The following IQCH variants were observed in gnomAD, a reference collection of about 807,000 sequenced individuals.
IQCH encodes the protein IQ domain-containing protein H.
Under a neutral mutation model 117.0 loss-of-function variants are expected in IQCH, and 98 were observed. The ratio of observed to expected loss-of-function variants is 0.84; its 90% CI spans 0.71 to 0.99. The LOEUF (loss-of-function observed/expected upper bound fraction) is 0.99. Ranked by LOEUF, IQCH falls within the 50% of genes least tolerant of loss-of-function variation. The pLI, the probability that IQCH is intolerant of heterozygous loss-of-function variation, is 0.00. For missense variants in IQCH, 1,102 were observed against 1,243.8 expected, an observed-to-expected ratio of 0.89 and a Z score of 1.72; for synonymous variants, 412 against 448.2, an observed-to-expected ratio of 0.92 and a Z score of 1.02.
At chr15:67,259,459 T>C (rs1965368745) in intron 1 of IQCH, among the ~76,000 whole-genome samples, 1 of 152,250 alleles carries the variant, frequency 6.6e-6, no homozygotes, top group African/African-American at 2.4e-5. Context: ...ATTGTGTGAC[T>C]AATAAGTGAT....
intron 4 of IQCH, among the ~76,000 whole-genome samples, chr15:67,320,988 C>T (rs1317522571): frequency 6.6e-6 from 1 of 152,208 alleles, no homozygotes; most frequent in African/African-American, 2.4e-5. Context: ...CAAACTTCCT[C>T]AGAACCCCTT....
At chr15:67,346,446 G>A (rs914961876) in intron 6 of IQCH, among the ~76,000 whole-genome samples, 2 of 152,132 alleles carry the variant, frequency 1.3e-5, no homozygotes, top group Non-Finnish European at 2.9e-5. Flanking sequence ...TTCCACCTCA[G>A]ATAATCAGGC....
At chr15:67,301,172 T>C (rs989257610) in intron 4 of IQCH, among the ~76,000 whole-genome samples, 4 of 152,120 alleles carry the variant, frequency 2.6e-5, no homozygotes, top group Non-Finnish European at 5.9e-5. Context: ...TTACTGTTGG[T>C]AAAAAATGAT....
intron 4 of IQCH, among the ~76,000 whole-genome samples, chr15:67,298,510 A>G (rs1377412672): frequency 6.6e-6 from 1 of 152,108 alleles, no homozygotes; most frequent in East Asian, 1.9e-4. Flanking sequence ...AACCTCCTAC[A>G]CAGTTGGTAG....
At position 67,459,023 on chromosome 15, in the gene IQCH, A is replaced by G. The variant is rs1489651053; in HGVS notation, c.2506-6104A>G. ...AGCCTCATAGATACATCTGGAGGCA[A>G]CAGAGGGAGGATTCACCCAGACTAC... On this transcript the variant is annotated intron_variant, in intron 16 of 20. Transcript: ENST00000335894. The surrounding 1 kb of genome is among the most constrained non-coding windows in gnomAD (Gnocchi z 4.2). Among the ~76,000 whole-genome samples the G allele has an allele frequency of 1.3e-5, 2 of 152,254 alleles. No individual in the cohort carries two copies. Among genetic ancestry groups the G allele is most frequent in the Non-Finnish European group, 2.9e-5 (2 of 68,040 alleles).
Position 67,359,052 on chromosome 15 carries a change from G to T in IQCH, c.715-795G>T, listed in dbSNP as rs1970027410. On this transcript the variant is annotated intron_variant, in intron 7 of 20. Coordinates refer to ENST00000335894, the MANE Select transcript of IQCH (RefSeq NM_001031715.3). The surrounding 1 kb of genome is among the most constrained non-coding windows in gnomAD (Gnocchi z 4.5). ...CGAGTGTTTGGCCTGCACCATTATT[G>T]TTTCAAATTCAGCTGTTTAACAGGC... Among the ~76,000 whole-genome samples, 1 of 152,202 alleles carries T rather than the reference G, an allele frequency of 6.6e-6. No individual in the cohort carries two copies. The highest frequency in any genetic ancestry group is 6.5e-5 in the Admixed American group (1 of 15,288).
In IQCH at chr15:67,393,321, CG is replaced by C. The variant is rs1971348908; in HGVS notation, c.1633-1969del. Among the ~76,000 whole-genome samples the C allele has an allele frequency of 6.6e-6, 1 of 152,066 alleles. No homozygotes were observed. The highest frequency in any genetic ancestry group is 1.5e-5 in the Non-Finnish European group (1 of 68,010). On this transcript the variant is annotated intron_variant, in intron 12 of 20. Transcript: ENST00000335894. The surrounding 1 kb of genome is among the most constrained non-coding windows in gnomAD (Gnocchi z 5.5). ...TCCCATACTCAGGAGTTATACTCTC[CG>C]ACAATTTGCAAACTGGTGCATCTGA...
In IQCH at chr15:67,443,156, C is replaced by G. The variant is rs1222435626; in HGVS notation, c.2505+21579C>G. 6.6e-6 allele frequency among the ~76,000 whole-genome samples: 1 copy of G among 152,098 alleles called. No individual in the cohort carries two copies. Among genetic ancestry groups the G allele is most frequent in the Non-Finnish European group, 1.5e-5 (1 of 68,024 alleles). On this transcript the variant is annotated intron_variant, in intron 16 of 20. Coordinates refer to ENST00000335894, the MANE Select transcript of IQCH (RefSeq NM_001031715.3). The surrounding 1 kb of genome is among the most constrained non-coding windows in gnomAD (Gnocchi z 5.0). ...TACAGGCGCCCGCCACAGCGCCCGG[C>G]TAATTTTTTGTATTTTTAGTAGAGA...
At chr15:67,451,064 G>A (rs2082512475) in intron 16 of IQCH, among the ~76,000 whole-genome samples, 1 of 152,166 alleles carries the variant, frequency 6.6e-6, no homozygotes, top group East Asian at 1.9e-4. Flanking sequence ...GGGATCGGTG[G>A]TGATATCCCC....
chr15:67,278,006 C>T (rs1966200489), intron 3 of IQCH, among the ~76,000 whole-genome samples: 1 of 152,108 alleles, frequency 6.6e-6, no homozygotes, highest in African/African-American at 2.4e-5. Flanking sequence ...ATTCTATACT[C>T]TATAATTAGG....
chr15:67,296,261 A>C (rs1484211556), intron 4 of IQCH, among the ~76,000 whole-genome samples: 1 of 152,194 alleles, frequency 6.6e-6, no homozygotes, highest in Non-Finnish European at 1.5e-5. Context: ...CTGAAGTTCA[A>C]GTTTGAATAA....
intron 4 of IQCH, among the ~76,000 whole-genome samples, chr15:67,328,117 A>G (rs1567099871): frequency 6.6e-6 from 1 of 151,690 alleles, no homozygotes; most frequent in East Asian, 1.9e-4. Context: ...AGTGCCTTCA[A>G]ATAGTTGGAG....
chr15:67,367,819 A>G (rs1443971351), intron 8 of IQCH, among the ~76,000 whole-genome samples: 3 of 152,284 alleles, frequency 2.0e-5, no homozygotes, highest in East Asian at 3.9e-4. Context: ...CACTTCTTAT[A>G]GTACTTATTC....
Position 67,366,425 on chromosome 15 carries a change from A to G in IQCH, c.754-5686A>G, listed in dbSNP as rs1970334998. 1.3e-5 allele frequency among the ~76,000 whole-genome samples: 2 copies of G among 152,238 alleles called. 1 individual carries two copies. Among genetic ancestry groups the G allele is most frequent in the Non-Finnish European group, 2.9e-5 (2 of 68,046 alleles). On this transcript the variant is annotated intron_variant, in intron 8 of 20. Coordinates refer to ENST00000335894, the MANE Select transcript of IQCH (RefSeq NM_001031715.3). This position sits in a 1 kb window ranked among gnomAD's most constrained non-coding sequence, Gnocchi z 4.4. ...TTGATTCTATTCTGTTTGATCTTCA[A>G]CCAGATTTTGATCCATCGTGTGTTT...
At position 67,376,212 on chromosome 15, in the gene IQCH, CT is replaced by C. The variant is rs1032229108; in HGVS notation, c.1372+2786del. 6.6e-6 allele frequency among the ~76,000 whole-genome samples: 1 copy of C among 152,098 alleles called. No individual in the cohort carries two copies. ...TATATTTTTAAGGATATAGGGTACC[CT>C]TTTTTTGTGTACCACATCCCTGGGA... On this transcript the variant is annotated intron_variant, in intron 10 of 20. Coordinates refer to ENST00000335894, the MANE Select transcript of IQCH (RefSeq NM_001031715.3). The surrounding 1 kb of genome is among the most constrained non-coding windows in gnomAD (Gnocchi z 5.0).
At chr15:67,294,077 C>T (rs1223972994) in intron 4 of IQCH, among the ~76,000 whole-genome samples, 2 of 152,116 alleles carry the variant, frequency 1.3e-5, no homozygotes, top group African/African-American at 4.8e-5. Flanking sequence ...TGCCTAATGC[C>T]TGGGCTTTGA....
rs542435033 is a variant in IQCH, at chr15:67,312,309, A to G, written c.388-24666A>G. Among the ~76,000 whole-genome samples, 16 of 152,218 alleles carry G rather than the reference A, an allele frequency of 1.1e-4. No individual in the cohort carries two copies. In the East Asian group the frequency reaches 2.7e-3, roughly 26 times the overall value. On this transcript the variant is annotated intron_variant, in intron 4 of 20. Coordinates refer to ENST00000335894, the MANE Select transcript of IQCH (RefSeq NM_001031715.3). ...CTGTATTTCAGTATAATAGGTTCCC[A>G]TGTATTTTATTTAATCCATTTATAA...
chr15:67,380,101 C>G lies in IQCH; in HGVS notation c.1373-4835C>G, dbSNP rs1205268947. On this transcript the variant is annotated intron_variant, in intron 10 of 20. Coordinates refer to ENST00000335894, the MANE Select transcript of IQCH (RefSeq NM_001031715.3). ...TCCCAACCTCAGTTAATCTGCCCAC[C>G]TCGGCCTCCCAAAGTGTTGGGATTA... Among the ~76,000 whole-genome samples the G allele has an allele frequency of 2.6e-5, 4 of 152,220 alleles. No individual in the cohort carries two copies. The East Asian group carries it at 7.7e-4, about 29-fold the overall frequency.
intron 3 of IQCH, among the ~76,000 whole-genome samples, chr15:67,273,004 C>T (rs964509476): frequency 5.9e-5 from 9 of 152,022 alleles, no homozygotes; most frequent in African/African-American, 1.4e-4. Context: ...TACTGTCTTT[C>T]ATTGTGGTTA....
Sources: gnomAD v4.1 joint callset for allele counts (sites outside exome capture counted in the v4.1 genomes callset) on GRCh38, gnomAD v4.1.1 for gene constraint, Gnocchi (gnomAD v3.1) non-coding constraint, MANE v1.5 for transcripts, NCBI Gene and HGNC (gene_info 2026-07-23, HGNC 2026-07-21) for gene names.